Variants in NKAIN3 observed in about 807,000 individuals in gnomAD.
NKAIN3 encodes sodium/potassium transporting ATPase interacting 3.
In NKAIN3, 25 loss-of-function variants were observed where a neutral mutation model predicts 30.2. That is an observed-to-expected ratio of 0.83 (90% CI 0.60 to 1.16). The LOEUF is 1.16. Ranked by LOEUF, NKAIN3 falls within the 50% of genes most tolerant of loss-of-function variation. The probability of loss-of-function intolerance (pLI) is 0.00; values close to 1 mark genes in which losing one functional copy is unlikely to be tolerated. For synonymous variants in NKAIN3, 91 were observed against 89.6 expected (o/e 1.02, Z -0.09); for missense variants, 225 against 254.1 (o/e 0.89, Z 0.78).
At chr8:62,617,971 C>T (rs1811511795) in intron 3 of NKAIN3, among the ~76,000 whole-genome samples, 1 of 152,210 alleles carries the variant, frequency 6.6e-6, no homozygotes, top group Non-Finnish European at 1.5e-5. Flanking sequence ...CATAGTAATT[C>T]TGTGAATTCA....
intron 3 of NKAIN3, among the ~76,000 whole-genome samples, chr8:62,733,076 T>G (rs1815532468): frequency 6.6e-6 from 1 of 152,112 alleles, no homozygotes. Context: ...CAAAATCATA[T>G]ACTCATTTTA....
At chr8:62,584,840 G>C (rs1473991423) in intron 2 of NKAIN3, among the ~76,000 whole-genome samples, 2 of 152,196 alleles carry the variant, frequency 1.3e-5, no homozygotes, top group Non-Finnish European at 1.5e-5. Flanking sequence ...CTACCCGGCT[G>C]TCATCATTGC....
At position 62,553,280 on chromosome 8, in the gene NKAIN3, T is replaced by G. The variant is rs376192896; in HGVS notation, c.55-26259T>G. Among the ~76,000 whole-genome samples, 96 of 152,316 alleles carry G rather than the reference T, an allele frequency of 6.3e-4. No homozygotes were observed. The South Asian group carries it at 0.017, about 27-fold the overall frequency. ...TATGATTTAAAGCAAGATTGCCCAC[T>G]AAATATTTGCATTACAAATTCTCTC... On this transcript the variant is annotated intron_variant, in intron 1 of 6. Coordinates refer to ENST00000623646, the MANE Select transcript of NKAIN3 (RefSeq NM_001304533.3).
At chr8:62,356,443 CCT>C (rs1034535838) in intron 1 of NKAIN3, among the ~76,000 whole-genome samples, 2 of 151,894 alleles carry the variant, frequency 1.3e-5, no homozygotes, top group Admixed American at 6.6e-5. Context: ...ATGTTCCTCC[CCT>C]GTCATTCTCT....
At chr8:62,457,763 G>C (rs1289706503) in intron 1 of NKAIN3, among the ~76,000 whole-genome samples, 2 of 152,086 alleles carry the variant, frequency 1.3e-5, no homozygotes, top group African/African-American at 4.8e-5. Context: ...CATTAAATTA[G>C]GCATAGGTGG....
At chr8:62,435,970 T>G (rs576136016) in intron 1 of NKAIN3, among the ~76,000 whole-genome samples, 11 of 152,348 alleles carry the variant, frequency 7.2e-5, no homozygotes, top group African/African-American at 2.2e-4. Flanking sequence ...TATACAATGC[T>G]TTAACACAAT....
At chr8:62,587,117 C>T (rs1164400354) in intron 2 of NKAIN3, among the ~76,000 whole-genome samples, 4 of 151,816 alleles carry the variant, frequency 2.6e-5, no homozygotes, top group Admixed American at 2.0e-4. Flanking sequence ...ATTGGTTATC[C>T]CAATGCTTCC....
At chr8:62,801,455 G>T (rs542296210) in intron 4 of NKAIN3, among the ~76,000 whole-genome samples, 1 of 152,216 alleles carries the variant, frequency 6.6e-6, no homozygotes, top group Non-Finnish European at 1.5e-5. Flanking sequence ...AGCATTCGCA[G>T]TTCATGAAAA....
chr8:62,912,874 A>C (rs764976357), intron 4 of NKAIN3, among the ~76,000 whole-genome samples: 1 of 151,996 alleles, frequency 6.6e-6, no homozygotes, highest in Non-Finnish European at 1.5e-5. Flanking sequence ...GCACTATTGC[A>C]CTCCAGCCTG....
chr8:62,548,375 T>C (rs1409395795), intron 1 of NKAIN3, among the ~76,000 whole-genome samples: 1 of 152,196 alleles, frequency 6.6e-6, no homozygotes, highest in Non-Finnish European at 1.5e-5. Context: ...AAATATATTT[T>C]AGATTCCAAG....
intron 1 of NKAIN3, among the ~76,000 whole-genome samples, chr8:62,524,200 C>A (rs934466604): frequency 6.6e-6 from 1 of 150,400 alleles, no homozygotes; most frequent in African/African-American, 2.4e-5. Context: ...AAAAAGTTCA[C>A]CAGGCTAAGT....
intron 3 of NKAIN3, among the ~76,000 whole-genome samples, chr8:62,699,831 A>T (rs749885758): frequency 6.6e-6 from 1 of 152,266 alleles, no homozygotes; most frequent in Non-Finnish European, 1.5e-5. Context: ...ATGAATTATT[A>T]CTTAGAATCT....
chr8:62,943,150 A>G (rs1192524729), intron 5 of NKAIN3, among the ~76,000 whole-genome samples: 1 of 152,184 alleles, frequency 6.6e-6, no homozygotes, highest in African/African-American at 2.4e-5. Context: ...ACAAACGACT[A>G]ATATCCAATA....
chr8:62,272,707 C>T (rs1466017190), intron 1 of NKAIN3, among the ~76,000 whole-genome samples: 3 of 152,118 alleles, frequency 2.0e-5, no homozygotes, highest in Non-Finnish European at 4.4e-5. Context: ...TGTCTCTGTC[C>T]CTGTCAAGGT....
At chr8:62,264,900 ACT>A (rs903811168) in intron 1 of NKAIN3, among the ~76,000 whole-genome samples, 33 of 152,082 alleles carry the variant, frequency 2.2e-4, no homozygotes, top group African/African-American at 8.0e-4. Context: ...TGAATGTGAC[ACT>A]CTCATGAAGA....
chr8:62,612,412 G>T (rs916030623), intron 3 of NKAIN3, among the ~76,000 whole-genome samples: 4 of 151,724 alleles, frequency 2.6e-5, no homozygotes, highest in Admixed American at 1.3e-4. Context: ...AATATATTTT[G>T]TCTGATATAA....
intron 5 of NKAIN3, among the ~76,000 whole-genome samples, chr8:62,930,205 C>T (rs1822574498): frequency 6.6e-6 from 1 of 152,112 alleles, no homozygotes; most frequent in Non-Finnish European, 1.5e-5. Context: ...TCAACAACAA[C>T]TTTTCAACTT....
chr8:62,345,283 G>A (rs1165935475), intron 1 of NKAIN3, among the ~76,000 whole-genome samples: 14 of 142,620 alleles, frequency 9.8e-5, no homozygotes, highest in South Asian at 4.5e-4. Context: ...ACATATACAC[G>A]CACATATACA....
At chr8:62,934,379 T>TA (rs5891885) in intron 5 of NKAIN3, among the ~76,000 whole-genome samples, 2 of 150,810 alleles carry the variant, frequency 1.3e-5, no homozygotes, top group Non-Finnish European at 3.0e-5. Context: ...CCCTGTCTCT[T>TA]AAAAAAAAAA....
Sources: gnomAD v4.1 joint callset for allele counts (sites outside exome capture counted in the v4.1 genomes callset) on GRCh38, gnomAD v4.1.1 for gene constraint, MANE v1.5 for transcripts, NCBI Gene and HGNC (gene_info 2026-07-23, HGNC 2026-07-21) for gene names.